ZMAT4: variants seen among roughly 807,000 people sequenced by gnomAD.
ZMAT4 encodes the protein zinc finger matrin-type protein 4.
A neutral mutation model predicts 28.7 loss-of-function variants in ZMAT4; 17 were observed. The ratio of observed to expected loss-of-function variants is 0.59; its 90% CI spans 0.41 to 0.89. The LOEUF is 0.89. Ranked by LOEUF, ZMAT4 falls within the 40% of genes least tolerant of loss-of-function variation. The pLI, the probability that ZMAT4 is intolerant of heterozygous loss-of-function variation, is 0.00. For missense variants in ZMAT4, 240 were observed against 283.8 expected, an observed-to-expected ratio of 0.85 and a Z score of 1.11; for synonymous variants, 117 against 109.2, an observed-to-expected ratio of 1.07 and a Z score of -0.44.
At chr8:40,645,348 A>G (rs979210886) in intron 5 of ZMAT4, among the ~76,000 whole-genome samples, 9 of 152,186 alleles carry the variant, frequency 5.9e-5, no homozygotes, top group Admixed American at 3.3e-4. Flanking sequence ...CTAAGCAAGC[A>G]GTATTTGAGG....
rs548134963 is a variant in ZMAT4 at position 40,763,165 on chromosome 8, G to T, written c.192+4476C>A. ...CTTATCATGCTGCATTGAGATACAG[G>T]GTCTACACATCTGACTTCCCCACTA... is the stretch of plus-strand genomic sequence containing the variant. On this transcript the variant is annotated intron_variant, in intron 3 of 6. Transcript: ENST00000297737. Among the ~76,000 whole-genome samples the T allele has an allele frequency of 6.6e-5, 10 of 152,198 alleles. No homozygotes were observed. The South Asian group carries it at 2.1e-3, about 32-fold the overall frequency.
chr8:40,649,554 TC>T (rs762814692), intron 5 of ZMAT4, among the ~76,000 whole-genome samples: 33 of 152,250 alleles, frequency 2.2e-4, no homozygotes, highest in Non-Finnish European at 3.7e-4. Flanking sequence ...GGAATTGAAC[TC>T]AGCTCTGCAC....
intron 3 of ZMAT4, among the ~76,000 whole-genome samples, chr8:40,709,543 G>A (rs1208480183): frequency 6.6e-6 from 1 of 152,168 alleles, no homozygotes; most frequent in Non-Finnish European, 1.5e-5. Context: ...AACAAATGAT[G>A]TAACATATTT....
intron 3 of ZMAT4, among the ~76,000 whole-genome samples, chr8:40,727,272 A>G (rs751281222): frequency 1.3e-5 from 2 of 152,152 alleles, no homozygotes; most frequent in Non-Finnish European, 2.9e-5. Context: ...GGCAGATACA[A>G]CAGTGTCCAC....
chr8:40,865,220 G>T (rs148398378), intron 1 of ZMAT4, among the ~76,000 whole-genome samples: 1 of 152,210 alleles, frequency 6.6e-6, no homozygotes, highest in Admixed American at 6.5e-5. Flanking sequence ...TTATTCTCTC[G>T]CTTCGGAGTA....
chr8:40,808,658 A>G (rs1815190714), intron 2 of ZMAT4: 1 of 395,832 alleles, frequency 2.5e-6, no homozygotes, highest in South Asian at 1.9e-5. Context: ...AGACATCTTC[A>G]CTCAGGGGAG....
At chr8:40,557,307 A>T (rs1215058659) in intron 6 of ZMAT4, among the ~76,000 whole-genome samples, 1 of 152,162 alleles carries the variant, frequency 6.6e-6, no homozygotes, top group Non-Finnish European at 1.5e-5. Flanking sequence ...AAAAGAATAT[A>T]ATAGTTAATT....
At chr8:40,595,442 G>T (rs1385344606) in intron 5 of ZMAT4, among the ~76,000 whole-genome samples, 2 of 152,126 alleles carry the variant, frequency 1.3e-5, no homozygotes, top group African/African-American at 4.8e-5. Flanking sequence ...TCTGAGAAAT[G>T]CATGATAAGG....
intron 5 of ZMAT4, among the ~76,000 whole-genome samples, chr8:40,602,645 TG>T (rs1563361604): frequency 1.3e-5 from 2 of 152,226 alleles, no homozygotes; most frequent in East Asian, 3.9e-4. Context: ...ATTTTTCATA[TG>T]TTTTTTGGCC....
At chr8:40,882,825 C>A (rs190487555) in intron 1 of ZMAT4, among the ~76,000 whole-genome samples, 1 of 152,244 alleles carries the variant, frequency 6.6e-6, no homozygotes, top group Non-Finnish European at 1.5e-5. Flanking sequence ...AGATCAACTT[C>A]GGTTCGCTAT....
At chr8:40,887,710 G>A (rs2150668910) in intron 1 of ZMAT4, among the ~76,000 whole-genome samples, 1 of 152,198 alleles carries the variant, frequency 6.6e-6, no homozygotes, top group African/African-American at 2.4e-5. Context: ...CAGAGACACG[G>A]CAGAGGGGAA....
At chr8:40,612,811 G>GTTTTTT (rs57134245) in intron 5 of ZMAT4, among the ~76,000 whole-genome samples, 34 of 86,234 alleles carry the variant, frequency 3.9e-4, no homozygotes, top group Middle Eastern at 7.8e-3. Flanking sequence ...TTTGGTTTTT[G>GTTTTTT]TTTTTTTTTT....
intron 1 of ZMAT4, among the ~76,000 whole-genome samples, chr8:40,875,228 C>T (rs545052412): frequency 4.6e-5 from 7 of 152,184 alleles, no homozygotes; most frequent in Non-Finnish European, 1.0e-4. Context: ...TCCCTGCCCA[C>T]GTGTCCCCTC....
intron 6 of ZMAT4, among the ~76,000 whole-genome samples, chr8:40,573,364 C>G (rs146993789): frequency 2.0e-5 from 3 of 152,288 alleles, no homozygotes; most frequent in African/African-American, 4.8e-5. Flanking sequence ...AGGAGTGAAT[C>G]CTTCCTTGAC....
At chr8:40,875,856 C>T (rs983332805) in intron 1 of ZMAT4, among the ~76,000 whole-genome samples, 4 of 152,108 alleles carry the variant, frequency 2.6e-5, no homozygotes, top group African/African-American at 7.2e-5. Context: ...TAGGTGTCCA[C>T]GATTGTGTTG....
intron 6 of ZMAT4, among the ~76,000 whole-genome samples, chr8:40,574,327 T>A (rs900002862): frequency 3.9e-5 from 6 of 152,090 alleles, no homozygotes; most frequent in East Asian, 3.9e-4. Flanking sequence ...AAGGGCCAAA[T>A]GAATGGAAAT....
chr8:40,645,235 A>T (rs542179775), intron 5 of ZMAT4, among the ~76,000 whole-genome samples: 72 of 152,274 alleles, frequency 4.7e-4, no homozygotes, highest in Non-Finnish European at 7.6e-4. Flanking sequence ...TGTTTCAGTA[A>T]ATCTAAAACT....
intron 3 of ZMAT4, among the ~76,000 whole-genome samples, chr8:40,728,925 G>A (rs1053501090): frequency 6.6e-6 from 1 of 152,052 alleles, no homozygotes; most frequent in Admixed American, 6.6e-5. Context: ...GACTTCATAC[G>A]AATCGAATTA....
intron 2 of ZMAT4, among the ~76,000 whole-genome samples, chr8:40,778,040 A>G (rs1045364690): frequency 7.2e-5 from 11 of 152,228 alleles, no homozygotes; most frequent in Non-Finnish European, 1.2e-4. Flanking sequence ...ATACTCGTTA[A>G]CTATTTAAGT....
Sources: gnomAD v4.1 joint callset for allele counts (sites outside exome capture counted in the v4.1 genomes callset) on GRCh38, gnomAD v4.1.1 for gene constraint, MANE v1.5 for transcripts, NCBI Gene and HGNC (gene_info 2026-07-23, HGNC 2026-07-21) for gene names.